Variants in YAF2 observed in about 807,000 individuals in gnomAD.
YAF2 encodes the protein YY1 associated factor 2.
A neutral mutation model predicts 20.1 loss-of-function variants in YAF2; 7 were observed. That is an observed-to-expected ratio of 0.35 (90% CI 0.20 to 0.65). YAF2 has a LOEUF of 0.65. Among genes scored for constraint, YAF2 ranks in the 30% least tolerant of loss-of-function variants. The probability of loss-of-function intolerance (pLI) is 0.69; values close to 1 mark genes in which losing one functional copy is unlikely to be tolerated. For synonymous variants in YAF2, 74 were observed against 76.0 expected (o/e 0.97, Z 0.14); for missense variants, 151 against 219.2 (o/e 0.69, Z 1.96).
At chr12:42,173,400 T>C (rs577948842) in intron 2 of YAF2, among the ~76,000 whole-genome samples, 4 of 152,268 alleles carry the variant, frequency 2.6e-5, no homozygotes, top group Admixed American at 1.3e-4. Flanking sequence ...ACAAAACAGA[T>C]TACTTACATC....
intron 2 of YAF2, among the ~76,000 whole-genome samples, chr12:42,211,444 A>C (rs1240124486): frequency 6.7e-6 from 1 of 148,704 alleles, no homozygotes; most frequent in African/African-American, 2.5e-5. Flanking sequence ...AAAAAAAAAA[A>C]AAAAAAAGTC....
chr12:42,222,987 T>C (rs866902680), intron 2 of YAF2, among the ~76,000 whole-genome samples: 12 of 151,924 alleles, frequency 7.9e-5, no homozygotes, highest in Admixed American at 2.0e-4. Context: ...GGAAACTCAG[T>C]AAAAAGCTGT....
intron 2 of YAF2, among the ~76,000 whole-genome samples, chr12:42,191,330 T>C (rs1161239670): frequency 6.6e-6 from 1 of 152,204 alleles, no homozygotes; most frequent in Non-Finnish European, 1.5e-5. Context: ...ACCTGATGTC[T>C]ACTGCTTTTA....
chr12:42,191,020 C>T lies in YAF2; in HGVS notation c.153-29255G>A, dbSNP rs114003211. On this transcript the variant is annotated intron_variant, in intron 2 of 3. Coordinates refer to ENST00000534854, the MANE Select transcript of YAF2 (RefSeq NM_005748.6). ...ATTTAAAAGTATTTTTTTCTCTTTA[C>T]AACAACAGAATGATATATTTATTAC... Among the ~76,000 whole-genome samples, 508 of 151,886 alleles carry T rather than the reference C, an allele frequency of 3.3e-3. 3 individuals are homozygous for T. Among genetic ancestry groups the T allele is most frequent in the African/African-American group, 0.012 (488 of 41,390 alleles).
chr12:42,196,771 T>C (rs1001352366), intron 2 of YAF2, among the ~76,000 whole-genome samples: 10 of 152,340 alleles, frequency 6.6e-5, no homozygotes, highest in Middle Eastern at 3.4e-3. Context: ...GATTTTTTAA[T>C]GATAGCCATT....
At chr12:42,210,194 G>T (rs140706450) in intron 2 of YAF2, among the ~76,000 whole-genome samples, 426 of 152,282 alleles carry the variant, frequency 2.8e-3, no homozygotes, top group Non-Finnish European at 4.2e-3. Context: ...TAATAGCTCA[G>T]TATTTACTGT....
intron 2 of YAF2, among the ~76,000 whole-genome samples, chr12:42,182,120 C>CA (rs1224637785): frequency 6.6e-5 from 10 of 151,280 alleles, no homozygotes; most frequent in African/African-American, 1.7e-4. Flanking sequence ...AATTATTTCA[C>CA]AAAAAAAGAA....
intron 2 of YAF2, among the ~76,000 whole-genome samples, chr12:42,168,777 T>C (rs1318489942): frequency 6.6e-6 from 1 of 152,188 alleles, no homozygotes; most frequent in Non-Finnish European, 1.5e-5. Context: ...TTTGCACATT[T>C]ACATGTCATT....
At chr12:42,191,951 G>A (rs971721072) in intron 2 of YAF2, among the ~76,000 whole-genome samples, 2 of 151,588 alleles carry the variant, frequency 1.3e-5, no homozygotes, top group Admixed American at 6.6e-5. Flanking sequence ...TTAGCCAGAC[G>A]TGCTCACTTG....
chr12:42,185,680 G>T (rs1323701070), intron 2 of YAF2, among the ~76,000 whole-genome samples: 5 of 152,154 alleles, frequency 3.3e-5, no homozygotes, highest in Non-Finnish European at 7.3e-5. Flanking sequence ...AGCTCAGATG[G>T]TCATTTGAAT....
intron 2 of YAF2, among the ~76,000 whole-genome samples, chr12:42,179,854 GA>G (rs1351744262): frequency 6.8e-6 from 1 of 146,886 alleles, no homozygotes; most frequent in African/African-American, 2.5e-5. Context: ...AGAGTTCACA[GA>G]AAACAATTTT....
intron 2 of YAF2, among the ~76,000 whole-genome samples, chr12:42,208,374 G>A (rs891769401): frequency 5.3e-5 from 8 of 151,552 alleles, no homozygotes; most frequent in Admixed American, 2.6e-4. Context: ...TGCAGTGAAC[G>A]GATATCATGC....
intron 2 of YAF2, among the ~76,000 whole-genome samples, chr12:42,209,563 CAAAAAAA>C (rs71084623): frequency 7.2e-5 from 2 of 27,806 alleles, no homozygotes; most frequent in African/African-American, 1.3e-4. Context: ...GACTTTGTCT[CAAAAAAA>C]AAAAAAAAAA....
At chr12:42,186,367 T>C (rs533324993) in intron 2 of YAF2, among the ~76,000 whole-genome samples, 2 of 151,532 alleles carry the variant, frequency 1.3e-5, no homozygotes, top group South Asian at 4.2e-4. Context: ...AATAAATAAA[T>C]AAATAAACAA....
At chr12:42,210,993 G>A (rs977552739) in intron 2 of YAF2, among the ~76,000 whole-genome samples, 1 of 152,166 alleles carries the variant, frequency 6.6e-6, no homozygotes, top group African/African-American at 2.4e-5. Context: ...AGAATAATTA[G>A]TTGATCAAAA....
At chr12:42,167,797 G>A (rs1322018112) in intron 2 of YAF2, among the ~76,000 whole-genome samples, 1 of 152,120 alleles carries the variant, frequency 6.6e-6, no homozygotes, top group Admixed American at 6.5e-5. Flanking sequence ...CTTGGGCCCA[G>A]GAGTTTGAGA....
intron 2 of YAF2, among the ~76,000 whole-genome samples, chr12:42,188,048 C>A (rs892186573): frequency 6.6e-6 from 1 of 152,112 alleles, no homozygotes; most frequent in African/African-American, 2.4e-5. Context: ...CAGGAGAAAC[C>A]CAGAGCCAGA....
intron 2 of YAF2, chr12:42,235,290 T>C: frequency 1.0e-6 from 1 of 999,648 alleles, no homozygotes; most frequent in South Asian, 4.3e-5. Flanking sequence ...AAGTCAATTA[T>C]GGAGAATTAT....
chr12:42,192,054 C>A (rs1338858009), intron 2 of YAF2, among the ~76,000 whole-genome samples: 82 of 146,786 alleles, frequency 5.6e-4, no homozygotes, highest in African/African-American at 1.4e-3. Flanking sequence ...AAAAAAAAAA[C>A]AAAACATACA....
Sources: allele counts gnomAD v4.1 joint callset (sites outside exome capture counted in the v4.1 genomes callset), GRCh38; gene constraint gnomAD v4.1.1; transcripts MANE v1.5; gene names NCBI Gene and HGNC (gene_info 2026-07-23, HGNC 2026-07-21).